The following NTM variants were observed in gnomAD, a reference collection of about 807,000 sequenced individuals.
The protein encoded by NTM is IgLON family member 2.
A neutral mutation model predicts 42.1 loss-of-function variants in NTM; 13 were observed. That is an observed-to-expected ratio of 0.31 (90% confidence interval 0.20 to 0.49). NTM has a LOEUF of 0.49. Ranked by LOEUF, NTM falls within the 20% of genes least tolerant of loss-of-function variation. NTM has a pLI of 0.99. For synonymous variants in NTM, 187 were observed against 179.2 expected, an observed-to-expected ratio of 1.04 and a Z score of -0.35; for missense variants, 373 against 452.8, an observed-to-expected ratio of 0.82 and a Z score of 1.60.
At chr11:131,574,930 G>T (rs1449733536) in intron 1 of NTM, among the ~76,000 whole-genome samples, 1 of 152,040 alleles carries the variant, frequency 6.6e-6, no homozygotes, top group Non-Finnish European at 1.5e-5. Flanking sequence ...CTCCTGATTT[G>T]CTTCTCTCCA....
chr11:131,492,251 TCA>T (rs925651748), intron 1 of NTM, among the ~76,000 whole-genome samples: 1 of 152,226 alleles, frequency 6.6e-6, no homozygotes, highest in African/African-American at 2.4e-5. Context: ...ACTGTTACTC[TCA>T]TTTTGTGAGT....
chr11:132,267,510 A>C, intron 4 of NTM, among the ~76,000 whole-genome samples: 2 of 147,578 alleles, frequency 1.4e-5, no homozygotes, highest in Non-Finnish European at 1.5e-5. Flanking sequence ...TCATTCAGAT[A>C]CCTTTAAAAA....
At chr11:132,114,362 A>G (rs985980468) in intron 2 of NTM, among the ~76,000 whole-genome samples, 3 of 152,064 alleles carry the variant, frequency 2.0e-5, no homozygotes, top group African/African-American at 7.2e-5. Flanking sequence ...TCCTCCTTAA[A>G]TGTCCCTTTC....
At chr11:131,858,561 G>C (rs1004133972) in intron 1 of NTM, among the ~76,000 whole-genome samples, 1 of 152,150 alleles carries the variant, frequency 6.6e-6, no homozygotes. Context: ...ACGCTGGTGG[G>C]CTAAGTGAAT....
chr11:131,785,089 A>G (rs1239603641), intron 1 of NTM, among the ~76,000 whole-genome samples: 2 of 152,128 alleles, frequency 1.3e-5, no homozygotes, highest in East Asian at 3.9e-4. Flanking sequence ...CTGATGACAT[A>G]CTGGACTCAT....
chr11:131,589,167 A>ATGTGTGTGTGTGTGTGTGTG lies in NTM; in HGVS notation c.82+218295_82+218314dup, dbSNP rs58237274. ...ACCATGCCACTCTTAACCTGGAAAA[A>ATGTGTGTGTGTGTGTGTGTG]TGTGTGTGTGTGTGTGTGTGTGTGT... On this transcript the variant is annotated intron_variant, in intron 1 of 8. Coordinates refer to ENST00000683400, the MANE Select transcript of NTM (RefSeq NM_001352005.2). Among the ~76,000 whole-genome samples the ATGTGTGTGTGTGTGTGTGTG allele has an allele frequency of 3.5e-3, 504 of 143,568 alleles. 6 individuals carry two copies. Among genetic ancestry groups the ATGTGTGTGTGTGTGTGTGTG allele is most frequent in the African/African-American group, 0.012 (477 of 38,254 alleles). 94.2% of individuals were successfully genotyped at this position (143,568 alleles called of 152,430 possible). A position where few individuals can be genotyped will look rare whatever the true frequency, so the allele number is the denominator to read the frequency against.
intron 1 of NTM, among the ~76,000 whole-genome samples, chr11:131,810,036 C>T (rs747439200): frequency 3.3e-5 from 5 of 152,194 alleles, no homozygotes; most frequent in African/African-American, 7.2e-5. Context: ...ACAGATTTAT[C>T]GATCTGCAAT....
intron 1 of NTM, among the ~76,000 whole-genome samples, chr11:131,833,927 A>G (rs916279203): frequency 3.3e-5 from 5 of 152,202 alleles, no homozygotes; most frequent in Non-Finnish European, 7.4e-5. Flanking sequence ...TAGAAGTTTT[A>G]TAAATTCTAC....
At chr11:131,854,677 G>A (rs1213409432) in intron 1 of NTM, among the ~76,000 whole-genome samples, 1 of 152,198 alleles carries the variant, frequency 6.6e-6, no homozygotes, top group East Asian at 1.9e-4. Flanking sequence ...CCACGATAAG[G>A]AGTTTGGATT....
intron 2 of NTM, among the ~76,000 whole-genome samples, chr11:132,067,529 G>A (rs1389990166): frequency 2.0e-5 from 3 of 152,278 alleles, no homozygotes; most frequent in Non-Finnish European, 4.4e-5. Context: ...ACTAGAAGAC[G>A]GGTTATCTGC....
intron 2 of NTM, among the ~76,000 whole-genome samples, chr11:131,986,398 A>G (rs1221871560): frequency 6.6e-6 from 1 of 152,236 alleles, no homozygotes; most frequent in Non-Finnish European, 1.5e-5. Flanking sequence ...CACTTTGCAG[A>G]CTACAGAAAA....
rs370357409 is a variant in NTM at position 132,010,065 on chromosome 11, G to A, written c.167+98417G>A. ...ATTTCTTAAGTCACTAGATTGTAGA[G>A]ATCAATACAGATAATTTTGGAATTT... On this transcript the variant is annotated intron_variant, in intron 2 of 8. Coordinates refer to ENST00000683400, the MANE Select transcript of NTM (RefSeq NM_001352005.2). Among the ~76,000 whole-genome samples, 498 of 152,282 alleles carry A rather than the reference G, an allele frequency of 3.3e-3. 3 individuals carry two copies. The highest frequency in any genetic ancestry group is 0.011 in the African/African-American group (471 of 41,562).
chr11:132,302,553 G>T (rs947736448), intron 4 of NTM, among the ~76,000 whole-genome samples: 1 of 152,114 alleles, frequency 6.6e-6, no homozygotes, highest in African/African-American at 2.4e-5. Flanking sequence ...TGAATTCAAC[G>T]TGTTGTTCTG....
intron 3 of NTM, among the ~76,000 whole-genome samples, chr11:132,159,709 C>A (rs1267032995): frequency 6.6e-6 from 1 of 152,102 alleles, no homozygotes; most frequent in Non-Finnish European, 1.5e-5. Flanking sequence ...TCTGGAGGAA[C>A]TTCCCAGAAA....
chr11:132,268,320 T>A (rs889155150), intron 4 of NTM, among the ~76,000 whole-genome samples: 1 of 152,212 alleles, frequency 6.6e-6, no homozygotes, highest in Non-Finnish European at 1.5e-5. Context: ...TAGCTACGTA[T>A]ACACTATTAT....
chr11:131,758,859 G>A (rs886404289), intron 1 of NTM, among the ~76,000 whole-genome samples: 3 of 151,924 alleles, frequency 2.0e-5, no homozygotes, highest in Non-Finnish European at 2.9e-5. Context: ...CCCAAATTGC[G>A]AGGATTACAG....
At chr11:131,443,563 T>G (rs2135991643) in intron 1 of NTM, among the ~76,000 whole-genome samples, 1 of 152,276 alleles carries the variant, frequency 6.6e-6, no homozygotes, top group South Asian at 2.1e-4. Context: ...ACAGGTGGTG[T>G]GGTAGGTCAC....
intron 4 of NTM, among the ~76,000 whole-genome samples, chr11:132,300,063 A>T (rs1454744397): frequency 1.3e-5 from 2 of 152,122 alleles, no homozygotes; most frequent in African/African-American, 4.8e-5. Flanking sequence ...TATATTTATT[A>T]TCAATCACAT....
Position 132,086,411 on chromosome 11 carries a change from C to T in NTM, c.168-59871C>T, listed in dbSNP as rs368295044. On this transcript the variant is annotated intron_variant, in intron 2 of 8. Transcript: ENST00000683400. ...AAAAAAAAACTTTTCTCCAGCAAAACAAGATCCAAGAAGAGAAAAACATAA... is the reference window on the plus strand; with the variant it reads ...AAAAAAAAACTTTTCTCCAGCAAAATAAGATCCAAGAAGAGAAAAACATAA... Among the ~76,000 whole-genome samples the T allele has an allele frequency of 4.5e-4, 68 of 150,942 alleles. No individual in the cohort carries two copies. In the South Asian group the frequency reaches 0.013, roughly 28 times the overall value.
Sources: allele counts gnomAD v4.1 joint callset (sites outside exome capture counted in the v4.1 genomes callset), GRCh38; gene constraint gnomAD v4.1.1; transcripts MANE v1.5; gene names NCBI Gene and HGNC (gene_info 2026-07-23, HGNC 2026-07-21).